PTPRM: variants seen among roughly 807,000 people sequenced by gnomAD.
PTPRM encodes the protein receptor-type tyrosine-protein phosphatase mu.
Under a neutral mutation model 186.7 loss-of-function variants are expected in PTPRM, and 47 were observed. The observed-to-expected ratio is 0.25, with a 90% confidence interval of 0.20 to 0.32. PTPRM has a LOEUF of 0.32. PTPRM is among the 10% of genes least tolerant of loss of function. The pLI, the probability that PTPRM is intolerant of heterozygous loss-of-function variation, is 1.00. For missense variants in PTPRM, 1,494 were observed against 1,865.0 expected, an observed-to-expected ratio of 0.80 and a Z score of 3.66; for synonymous variants, 668 against 674.9, an observed-to-expected ratio of 0.99 and a Z score of 0.16.
At chr18:7,687,109 A>G (rs976785902) in intron 1 of PTPRM, among the ~76,000 whole-genome samples, 5 of 152,206 alleles carry the variant, frequency 3.3e-5, no homozygotes, top group African/African-American at 1.2e-4. Flanking sequence ...TAAAATTTTA[A>G]TGTGTACCTT....
intron 3 of PTPRM, among the ~76,000 whole-genome samples, chr18:7,893,422 T>A (rs2146408184): frequency 6.6e-6 from 1 of 152,268 alleles, no homozygotes. Context: ...TTCTAAGAAT[T>A]AAGTATATAA....
chr18:7,773,577 T>G (rs1157379290), intron 1 of PTPRM, among the ~76,000 whole-genome samples: 16 of 150,434 alleles, frequency 1.1e-4, no homozygotes, highest in South Asian at 2.1e-4. Flanking sequence ...TTTGTTTTTT[T>G]TTTTTTTTTT....
At chr18:8,304,381 C>T (rs2095196296) in intron 20 of PTPRM, among the ~76,000 whole-genome samples, 1 of 152,174 alleles carries the variant, frequency 6.6e-6, no homozygotes, top group South Asian at 2.1e-4. Flanking sequence ...GGGAAAACCT[C>T]AGCGGATTAT....
At chr18:8,360,127 G>A (rs938528572) in intron 23 of PTPRM, among the ~76,000 whole-genome samples, 15 of 152,174 alleles carry the variant, frequency 9.9e-5, no homozygotes, top group Admixed American at 2.6e-4. Context: ...ACACAACTGC[G>A]TTCAGACTAA....
intron 1 of PTPRM, among the ~76,000 whole-genome samples, chr18:7,747,319 T>C (rs954566031): frequency 2.0e-5 from 3 of 152,168 alleles, no homozygotes. Context: ...CTGTCCACAC[T>C]GGAACAGAGA....
chr18:7,941,988 A>C (rs1178156844), intron 5 of PTPRM, among the ~76,000 whole-genome samples: 1 of 152,210 alleles, frequency 6.6e-6, no homozygotes, highest in East Asian at 1.9e-4. Flanking sequence ...TAAACACATA[A>C]AAAATTATTT....
At chr18:8,358,506 G>T (rs1176936788) in intron 23 of PTPRM, among the ~76,000 whole-genome samples, 1 of 152,142 alleles carries the variant, frequency 6.6e-6, no homozygotes, top group East Asian at 1.9e-4. Flanking sequence ...GCCAGTGTTA[G>T]AAACCTTAAC....
intron 5 of PTPRM, among the ~76,000 whole-genome samples, chr18:7,941,147 G>A (rs74636108): frequency 3.2e-3 from 484 of 152,186 alleles, no homozygotes; most frequent in African/African-American, 0.011. Flanking sequence ...AGCCAGCTGC[G>A]TTAATGACTA....
At chr18:8,191,754 T>C (rs989166952) in intron 14 of PTPRM, among the ~76,000 whole-genome samples, 3 of 152,172 alleles carry the variant, frequency 2.0e-5, no homozygotes, top group Non-Finnish European at 2.9e-5. Flanking sequence ...GAGACTCCTC[T>C]GACTACATTT....
chr18:8,020,009 A>G (rs1186929077), intron 7 of PTPRM, among the ~76,000 whole-genome samples: 1 of 152,024 alleles, frequency 6.6e-6, no homozygotes, highest in Non-Finnish European at 1.5e-5. Context: ...ATCTTAGGAT[A>G]GCAAGAATTG....
chr18:8,144,642 G>T (rs1289865642), intron 14 of PTPRM, among the ~76,000 whole-genome samples: 1 of 152,056 alleles, frequency 6.6e-6, no homozygotes, highest in African/African-American at 2.4e-5. Flanking sequence ...AAGAGCCAAG[G>T]GATAGTCTGG....
intron 2 of PTPRM, among the ~76,000 whole-genome samples, chr18:7,868,480 C>T (rs1319382136): frequency 6.6e-6 from 1 of 152,304 alleles, no homozygotes; most frequent in Non-Finnish European, 1.5e-5. Context: ...CTGGAGTTTA[C>T]TGGAGGTCCA....
intron 19 of PTPRM, among the ~76,000 whole-genome samples, chr18:8,258,824 A>G (rs910156520): frequency 6.6e-6 from 1 of 152,196 alleles, no homozygotes; most frequent in Non-Finnish European, 1.5e-5. Context: ...ACTAGAGCTG[A>G]AACGTATCAA....
chr18:7,761,612 C>T (rs568230968), intron 1 of PTPRM, among the ~76,000 whole-genome samples: 6 of 152,280 alleles, frequency 3.9e-5, no homozygotes, highest in Non-Finnish European at 5.9e-5. Flanking sequence ...AAAAGGAGAC[C>T]TTCAGGATGA....
chr18:8,090,288 T>G (rs1484796887), intron 11 of PTPRM, among the ~76,000 whole-genome samples: 1 of 152,156 alleles, frequency 6.6e-6, no homozygotes, highest in Non-Finnish European at 1.5e-5. Flanking sequence ...CTTGGGAGTG[T>G]CATTTGTTTC....
chr18:8,303,070 T>C (rs1601714368), intron 20 of PTPRM, among the ~76,000 whole-genome samples: 1 of 151,274 alleles, frequency 6.6e-6, no homozygotes, highest in Non-Finnish European at 1.5e-5. Flanking sequence ...CAGGAGGAGG[T>C]GATCTGTGGA....
intron 1 of PTPRM, among the ~76,000 whole-genome samples, chr18:7,589,578 A>C (rs1463169161): frequency 6.6e-6 from 1 of 152,174 alleles, no homozygotes; most frequent in Non-Finnish European, 1.5e-5. Flanking sequence ...CCTGGCCAAG[A>C]GGCAGAAATC....
chr18:8,083,273 T>G, intron 9 of PTPRM, among the ~76,000 whole-genome samples: 1 of 152,184 alleles, frequency 6.6e-6, no homozygotes, highest in East Asian at 1.9e-4. Context: ...GTATCCAAAC[T>G]TTTTATCTTG....
rs2040525805 is a variant in PTPRM at position 7,725,346 on chromosome 18, A to AT, written c.74-48797dup. Among the ~76,000 whole-genome samples the AT allele has an allele frequency of 2.0e-5, 3 of 151,984 alleles. No homozygotes were observed. The South Asian group carries it at 6.2e-4, about 32-fold the overall frequency. On this transcript the variant is annotated intron_variant, in intron 1 of 32. Transcript: ENST00000580170. ...TTTGCCAGTGCTTGTTATTGTCCAT[A>AT]TTTTTTGTTCTAGCCACCCCAATGG...
Sources: gnomAD v4.1 joint callset for allele counts (sites outside exome capture counted in the v4.1 genomes callset) on GRCh38, gnomAD v4.1.1 for gene constraint, MANE v1.5 for transcripts, NCBI Gene and HGNC (gene_info 2026-07-23, HGNC 2026-07-21) for gene names.